Variants in ZSCAN5A observed in about 807,000 individuals in gnomAD.
ZSCAN5A encodes zinc finger and SCAN domain containing 5A, also known as zinc finger and SCAN domain-containing protein 5A.
ZSCAN5A carries 12 observed loss-of-function variants against 23.7 expected under a neutral mutation model. The observed-to-expected ratio is 0.51, with a 90% CI of 0.32 to 0.82. ZSCAN5A has a LOEUF of 0.82. Ranked by LOEUF, ZSCAN5A falls within the 40% of genes least tolerant of loss-of-function variation. The pLI, the probability that ZSCAN5A is intolerant of heterozygous loss-of-function variation, is 0.03. For missense variants in ZSCAN5A, 597 were observed against 617.9 expected (o/e 0.97, Z 0.36); for synonymous variants, 257 against 239.9 (o/e 1.07, Z -0.66).
rs2041670864 is a variant in ZSCAN5A, at chr19:56,352,086, TG to T, written c.-358+11148del. ...CTTGGGTATGCTTTGGTGGATAGTG[TG>T]GGGTTTTTTTGTTTGTTTGTTTCTT... On this transcript the variant is annotated intron_variant, in intron 2 of 6. Coordinates refer to the ZSCAN5A transcript ENST00000587340. This position sits in a 1 kb window ranked among gnomAD's most constrained non-coding sequence, Gnocchi z 4.2. Among the ~76,000 whole-genome samples the T allele has an allele frequency of 4.0e-5, 6 of 151,626 alleles. No homozygotes were observed. The highest frequency in any genetic ancestry group is 7.3e-5 in the African/African-American group (3 of 41,132).
chr19:56,237,873 T>G (rs1215851469), intron 2 of ZSCAN5A, among the ~76,000 whole-genome samples: 5 of 144,784 alleles, frequency 3.5e-5, no homozygotes, highest in Admixed American at 7.0e-5. Context: ...CCTGAGATTG[T>G]GCCACTGTGC....
intron 2 of ZSCAN5A, among the ~76,000 whole-genome samples, chr19:56,302,594 C>CCCCCCT: frequency 2.5e-5 from 1 of 39,414 alleles, no homozygotes; most frequent in Admixed American, 2.7e-4. Flanking sequence ...TTTTCTTCCT[C>CCCCCCT]TCCCTCTTCT....
intron 2 of ZSCAN5A, among the ~76,000 whole-genome samples, chr19:56,360,442 A>G (rs2041727374): frequency 6.6e-6 from 1 of 152,206 alleles, no homozygotes; most frequent in Non-Finnish European, 1.5e-5. Flanking sequence ...AAACAAATGG[A>G]AAAACATTCC....
At chr19:56,334,494 G>A (rs1008084865) in intron 2 of ZSCAN5A, among the ~76,000 whole-genome samples, 6 of 152,130 alleles carry the variant, frequency 3.9e-5, no homozygotes, top group Admixed American at 2.0e-4. Flanking sequence ...CATAGTAGGT[G>A]TATATGTTTA....
At chr19:56,287,314 A>G (rs932919447) in intron 2 of ZSCAN5A, among the ~76,000 whole-genome samples, 2 of 152,232 alleles carry the variant, frequency 1.3e-5, no homozygotes, top group Non-Finnish European at 2.9e-5. Flanking sequence ...CTGAGTTTTG[A>G]TGGAGAATGT....
chr19:56,223,602 G>C, intron 4 of ZSCAN5A, 29 bp downstream of exon 4: 1 of 1,609,924 alleles, frequency 6.2e-7, no homozygotes, highest in Non-Finnish European at 8.5e-7. Flanking sequence ...TCCCACCTCT[G>C]CCCAGACACC....
In ZSCAN5A at chr19:56,222,059, G is replaced by C; in HGVS notation, c.1007C>G (p.Pro336Arg). Residue 336 changes from proline (P) to arginine (R), a missense_variant, in exon 6 of 6, where the codon CCA becomes CGA. This residue lies in a region of ZSCAN5A where 406 missense variants were observed against 353.2 expected (regional missense o/e 1.15). Coordinates refer to ENST00000683990, the MANE Select transcript of ZSCAN5A (RefSeq NM_001322064.3). ...GQAGMNSIHS[P>R]GPASPVSHPD... ...GTGACTGACTGGGCTCGCAGGGCCT[G>C]GGGAATGAATTGAATTCATCCCAGC... The C allele has an allele frequency of 6.2e-7, 1 of 1,614,126 alleles. No homozygotes were observed. The highest frequency in any genetic ancestry group is 8.5e-7 in the Non-Finnish European group (1 of 1,180,020).
Position 56,221,996 on chromosome 19 carries a change from G to A in ZSCAN5A, c.1070C>T (p.Ala357Val). The A allele has an allele frequency of 6.2e-7, 1 of 1,614,216 alleles. No individual in the cohort carries two copies. Among genetic ancestry groups the A allele is most frequent in the Non-Finnish European group, 8.5e-7 (1 of 1,180,034 alleles). ...GQEAKALPPF[A>V]CDVCEKRFTC... ...AAACCTCTTCTCGCACACGTCACAT[G>A]CAAAGGGCGGCAGTGCCTTGGCTTC... The change falls in exon 6 of 6, where the codon GCA becomes GTA. Residue 357 changes from alanine (A) to valine (V), a missense_variant. By Grantham distance (64) the Ala-to-Val change is moderately conservative. This residue lies in a region of ZSCAN5A where 406 missense variants were observed against 353.2 expected (regional missense o/e 1.15). Coordinates refer to ENST00000683990, the MANE Select transcript of ZSCAN5A (RefSeq NM_001322064.3).
chr19:56,257,417 G>A (rs1449183437), intron 2 of ZSCAN5A, among the ~76,000 whole-genome samples: 3 of 152,186 alleles, frequency 2.0e-5, no homozygotes, highest in African/African-American at 7.2e-5. Flanking sequence ...GATATGGACT[G>A]CAGTGTCCCT....
intron 2 of ZSCAN5A, among the ~76,000 whole-genome samples, chr19:56,289,651 T>C (rs1408723956): frequency 6.6e-6 from 1 of 152,190 alleles, no homozygotes; most frequent in Non-Finnish European, 1.5e-5. Context: ...TCTCACTTTG[T>C]TGCCCAGGTT....
intron 2 of ZSCAN5A, among the ~76,000 whole-genome samples, chr19:56,335,244 GA>G (rs34944246): frequency 0.66 from 96,633 of 146,866 alleles, 32,719 homozygotes; most frequent in African/African-American, 0.86. Context: ...GACAAGGATA[GA>G]AAAAAAAAAA....
Position 56,224,814 on chromosome 19 carries a change from T to C in ZSCAN5A, c.233A>G (p.His78Arg). 6.2e-7 allele frequency: 1 copy of C among 1,612,026 alleles called. No homozygotes were observed. The highest frequency in any genetic ancestry group is 8.5e-7 in the Non-Finnish European group (1 of 1,178,768). Residue 78 changes from histidine to arginine, a missense_variant, in exon 3 of 6, where the codon CAC (histidine) becomes CGC (arginine). Physicochemically the swap from His to Arg is conservative, Grantham distance 29. Transcript: ENST00000683990. ...CATGTCCAGGATCTGCTCTTTGGTG[T>C]GGAGGTCGGGCCTCAGCCACAGATG... Reference protein sequence around the residue: ...LCHLWLRPDLHTKEQILDMLV... With the variant: ...LCHLWLRPDLRTKEQILDMLV...
intron 2 of ZSCAN5A, among the ~76,000 whole-genome samples, chr19:56,230,680 C>T (rs565836936): frequency 2.0e-5 from 3 of 151,266 alleles, no homozygotes; most frequent in African/African-American, 7.3e-5. Flanking sequence ...GATACACCCT[C>T]TGAGCAAATT....
intron 2 of ZSCAN5A, among the ~76,000 whole-genome samples, chr19:56,341,702 C>CAAAAAAAAAAAAAAAAAAAAA (rs1175628460): frequency 3.7e-5 from 2 of 53,784 alleles, no homozygotes; most frequent in African/African-American, 1.3e-4. Flanking sequence ...TACCAAAAGG[C>CAAAAAAAAAAAAAAAAAAAAA]AAAAAAAAAA....
intron 2 of ZSCAN5A, among the ~76,000 whole-genome samples, chr19:56,335,404 CT>C (rs1236898127): frequency 6.6e-6 from 1 of 152,204 alleles, no homozygotes; most frequent in Non-Finnish European, 1.5e-5. Flanking sequence ...CTCCCCCAAC[CT>C]AGCTAGCCAG....
Position 56,311,006 on chromosome 19 carries a change from T to C in ZSCAN5A, c.-128+2277A>G, listed in dbSNP as rs185562648. Among the ~76,000 whole-genome samples, 8 of 152,340 alleles carry C rather than the reference T, an allele frequency of 5.3e-5. No homozygotes were observed. In the South Asian group the frequency reaches 1.4e-3, roughly 28 times the overall value. Reference sequence around the variant, plus strand: ...GGTTCATCAAATAAGTTGGTTCCAATAGGTAATTAAAAATACTTTTACCAT... The same window carrying C: ...GGTTCATCAAATAAGTTGGTTCCAACAGGTAATTAAAAATACTTTTACCAT... On this transcript the variant is annotated intron_variant, in intron 2 of 5. Transcript: ENST00000683990.
chr19:56,230,212 A>G (rs762988597), intron 2 of ZSCAN5A, among the ~76,000 whole-genome samples: 3 of 152,150 alleles, frequency 2.0e-5, no homozygotes, highest in Non-Finnish European at 4.4e-5. Context: ...CAGCCTCCCA[A>G]GTAGCTGGGA....
intron 2 of ZSCAN5A, among the ~76,000 whole-genome samples, chr19:56,238,864 A>G (rs1293911538): frequency 6.6e-6 from 1 of 151,658 alleles, no homozygotes; most frequent in African/African-American, 2.4e-5. Flanking sequence ...AGAACATGAC[A>G]TGTTTCAAGA....
chr19:56,293,416 C>T (rs17273379), intron 2 of ZSCAN5A, among the ~76,000 whole-genome samples: 14,900 of 152,174 alleles, frequency 0.098, 972 homozygotes, highest in Non-Finnish European at 0.15. Context: ...AACGAGGTCC[C>T]TGCCTCATCC....
Sources: allele counts gnomAD v4.1 joint callset (sites outside exome capture counted in the v4.1 genomes callset), GRCh38; gene constraint gnomAD v4.1.1; regional missense constraint gnomAD v4.1.1; non-coding constraint Gnocchi (gnomAD v3.1); transcripts MANE v1.5; gene names NCBI Gene and HGNC (gene_info 2026-07-23, HGNC 2026-07-21).